The following THSD4 variants were observed in gnomAD, a reference collection of about 807,000 sequenced individuals.
THSD4 encodes thrombospondin type-1 domain-containing protein 4.
Under a neutral mutation model 119.0 loss-of-function variants are expected in THSD4, and 69 were observed. The ratio of observed to expected loss-of-function variants is 0.58; its 90% CI spans 0.48 to 0.71. The LOEUF (loss-of-function observed/expected upper bound fraction) is 0.71, where lower values mean the gene tolerates loss of function less well. Among genes scored for constraint, THSD4 ranks in the 30% least tolerant of loss-of-function variants. The pLI, the probability that THSD4 is intolerant of heterozygous loss-of-function variation, is 0.00. For missense variants in THSD4, 1,393 were observed against 1,391.1 expected, an observed-to-expected ratio of 1.00 and a Z score of -0.02; for synonymous variants, 524 against 540.4, an observed-to-expected ratio of 0.97 and a Z score of 0.42.
Position 71,411,830 on chromosome 15 carries a change from G to A in THSD4, c.1152+7G>A. ...TGTGTCTGGGCAGTGCAAGGTAAGT[G>A]CCCCCGAACTGGGGTGAATTCTTAA... On this transcript the variant is annotated splice_region_variant and intron_variant, in intron 7 of 17. Transcript: ENST00000261862. 1 of 1,613,754 alleles carries A rather than the reference G, an allele frequency of 6.2e-7. No individual in the cohort carries two copies. Among genetic ancestry groups the A allele is most frequent in the South Asian group, 1.1e-5 (1 of 91,044 alleles).
Position 71,529,013 on chromosome 15 carries a change from G to A in THSD4, c.1152+117190G>A, listed in dbSNP as rs139301523. The stretch of plus-strand genomic sequence containing the variant: ...TTCCTCCTGGGTCCATAGCTAGGCC[G>A]TATTTCCCAGCCTTCTTGAAGTTGG... On this transcript the variant is annotated intron_variant, in intron 7 of 17. Transcript: ENST00000261862. Among the ~76,000 whole-genome samples the A allele has an allele frequency of 9.8e-5, 15 of 152,330 alleles. No individual in the cohort carries two copies. In the East Asian group the frequency reaches 2.1e-3, roughly 22 times the overall value.
At chr15:71,243,141 C>A (rs750326253) in intron 5 of THSD4, 45 bp downstream of exon 5, 29 of 1,554,872 alleles carry the variant, frequency 1.9e-5, no homozygotes, top group Non-Finnish European at 2.4e-5. Flanking sequence ...AGCTGCCCCT[C>A]GTTTTTCTGT....
intron 6 of THSD4, among the ~76,000 whole-genome samples, chr15:71,273,299 T>G (rs561225536): frequency 5.3e-5 from 8 of 152,288 alleles, no homozygotes; most frequent in Admixed American, 5.2e-4. Context: ...CACAGAAAGA[T>G]GAATATTAGA....
intron 7 of THSD4, among the ~76,000 whole-genome samples, chr15:71,540,894 C>T (rs12443484): frequency 0.086 from 12,349 of 143,068 alleles, 1,147 homozygotes; most frequent in East Asian, 0.46. Flanking sequence ...AGCTAATGTT[C>T]GTAATTTTAG....
intron 6 of THSD4, among the ~76,000 whole-genome samples, chr15:71,371,432 A>G (rs1487816710): frequency 6.6e-6 from 1 of 151,908 alleles, no homozygotes; most frequent in African/African-American, 2.4e-5. Flanking sequence ...GTTCCTTTCC[A>G]TGTTTAGTGC....
chr15:71,546,937 T>C (rs774981974), intron 7 of THSD4, among the ~76,000 whole-genome samples: 1 of 152,172 alleles, frequency 6.6e-6, no homozygotes, highest in Non-Finnish European at 1.5e-5. Flanking sequence ...CAGTCCCAGA[T>C]CCTGGACTAG....
At chr15:71,214,741 G>A (rs985763585) in intron 3 of THSD4, among the ~76,000 whole-genome samples, 11 of 152,288 alleles carry the variant, frequency 7.2e-5, no homozygotes, top group Admixed American at 6.5e-5. Flanking sequence ...GCGGGAATCC[G>A]GAAGACCGAG....
At chr15:71,520,522 C>T (rs764855843) in intron 7 of THSD4, among the ~76,000 whole-genome samples, 9 of 152,166 alleles carry the variant, frequency 5.9e-5, no homozygotes, top group Non-Finnish European at 1.2e-4. Context: ...GTCTTGACCC[C>T]TTTTATCCCA....
intron 12 of THSD4, among the ~76,000 whole-genome samples, chr15:71,746,485 C>G (rs932795682): frequency 6.6e-5 from 10 of 152,156 alleles, no homozygotes; most frequent in African/African-American, 2.4e-4. Flanking sequence ...GCCTCAATCT[C>G]CCAGGCTCAA....
intron 7 of THSD4, among the ~76,000 whole-genome samples, chr15:71,624,706 G>T (rs920476738): frequency 1.3e-4 from 20 of 152,104 alleles, no homozygotes; most frequent in African/African-American, 4.8e-4. Flanking sequence ...GAAGGCCATG[G>T]ACTGTTGTCA....
chr15:71,153,752 A>T (rs2040749044), intron 2 of THSD4, among the ~76,000 whole-genome samples: 1 of 152,306 alleles, frequency 6.6e-6, no homozygotes, highest in South Asian at 2.1e-4. Context: ...AAGCCTCAAA[A>T]AGGTTGGGAA....
chr15:71,749,981 G>A (rs116500578), intron 14 of THSD4, among the ~76,000 whole-genome samples: 128 of 152,106 alleles, frequency 8.4e-4, no homozygotes, highest in African/African-American at 2.0e-3. Flanking sequence ...CTGCCACCTC[G>A]GCCTCCCGAA....
intron 8 of THSD4, among the ~76,000 whole-genome samples, chr15:71,663,470 A>C (rs951339163): frequency 1.1e-4 from 17 of 152,240 alleles, no homozygotes; most frequent in Non-Finnish European, 2.4e-4. Flanking sequence ...CTTCTAGAGC[A>C]CTTACGTCAC....
intron 6 of THSD4, among the ~76,000 whole-genome samples, chr15:71,293,531 A>G (rs1017723329): frequency 6.6e-6 from 1 of 152,068 alleles, no homozygotes; most frequent in Non-Finnish European, 1.5e-5. Context: ...TCAGTTTTCC[A>G]TCATGAACCA....
In THSD4 at chr15:71,667,145, G is replaced by A. The variant is rs929046461; in HGVS notation, c.1357+6411G>A. Reference sequence around the variant, plus strand: ...CTCCAAAATATAGACTGTTTCATGAGTTCTAGAGTCCTAAATTTTTTTAAA... The same window carrying A: ...CTCCAAAATATAGACTGTTTCATGAATTCTAGAGTCCTAAATTTTTTTAAA... On this transcript the variant is annotated intron_variant, in intron 8 of 17. Coordinates refer to ENST00000261862, the MANE Select transcript of THSD4 (RefSeq NM_024817.3). Among the ~76,000 whole-genome samples the A allele has an allele frequency of 9.2e-5, 14 of 152,216 alleles. No individual in the cohort carries two copies. In the South Asian group the frequency reaches 1.9e-3, roughly 20 times the overall value.
At chr15:71,719,702 G>T (rs752585598) in intron 8 of THSD4, among the ~76,000 whole-genome samples, 2 of 152,118 alleles carry the variant, frequency 1.3e-5, no homozygotes, top group Admixed American at 6.5e-5. Context: ...TTGAGACAAG[G>T]TCTCACTCCG....
intron 7 of THSD4, among the ~76,000 whole-genome samples, chr15:71,451,021 T>A (rs2047256684): frequency 6.6e-6 from 1 of 152,052 alleles, no homozygotes; most frequent in South Asian, 2.1e-4. Flanking sequence ...CCACTAAAAA[T>A]GCAGAGATTG....
chr15:71,661,397 A>ATTT (rs1340411907), intron 8 of THSD4, among the ~76,000 whole-genome samples: 2 of 112,298 alleles, frequency 1.8e-5, no homozygotes, highest in African/African-American at 3.1e-5. Context: ...TTATTTATTT[A>ATTT]TTTATTTTTT....
intron 6 of THSD4, among the ~76,000 whole-genome samples, chr15:71,290,932 G>T (rs1017108472): frequency 7.9e-6 from 1 of 127,336 alleles, no homozygotes; most frequent in African/African-American, 3.0e-5. Flanking sequence ...TAATTTAAAA[G>T]TCAAATAGCC....
Sources: gnomAD v4.1 joint callset for allele counts (sites outside exome capture counted in the v4.1 genomes callset) on GRCh38, gnomAD v4.1.1 for gene constraint, MANE v1.5 for transcripts, NCBI Gene and HGNC (gene_info 2026-07-23, HGNC 2026-07-21) for gene names.